The following VCPIP1 variants were observed in gnomAD, a reference collection of about 807,000 sequenced individuals.
VCPIP1 encodes valosin containing protein interacting protein 1, also known as deubiquitinating protein VCPIP1.
VCPIP1 carries 8 observed loss-of-function variants against 85.0 expected under a neutral mutation model. The observed-to-expected ratio is 0.09, with a 90% CI of 0.06 to 0.17. VCPIP1 has a LOEUF of 0.17. Ranked by LOEUF, VCPIP1 falls within the 10% of genes least tolerant of loss-of-function variation. VCPIP1 has a pLI of 1.00. For missense variants in VCPIP1, 1,070 were observed against 1,486.3 expected (o/e 0.72, Z 4.61); for synonymous variants, 543 against 544.5 (o/e 1.00, Z 0.04).
Position 66,629,025 on chromosome 8 carries a change from A to AAATTATT in VCPIP1, c.*5475_*5476insAATAATT, listed in dbSNP as rs1810807509. On this transcript the variant is annotated 3_prime_UTR_variant, in exon 3 of 3. Coordinates refer to ENST00000310421, the MANE Select transcript of VCPIP1 (RefSeq NM_025054.5). ...ATTATGTACAAGTAAAATAAGTTTT[A>AAATTATT]ATGTAACAAATTATTTAAATAATGT... The AAATTATT allele has an allele frequency of 6.6e-6, 1 of 152,232 alleles. No individual in the cohort carries two copies. The highest frequency in any genetic ancestry group is 1.5e-5 in the Non-Finnish European group (1 of 68,032). The allele number at this position is 152,232 out of a possible 1,614,324, so 9.4% of individuals were successfully genotyped here.
At chr8:66,636,270 G>A (rs1236739722) in intron 2 of VCPIP1, among the ~76,000 whole-genome samples, 1 of 149,884 alleles carries the variant, frequency 6.7e-6, no homozygotes, top group Non-Finnish European at 1.5e-5. Context: ...AGGTTTTGCA[G>A]GTGTTTCCAG....
At position 66,628,526 on chromosome 8, in the gene VCPIP1, T is replaced by C. The variant is rs1178682143; in HGVS notation, c.*5975A>G. The C allele has an allele frequency of 6.6e-6, 1 of 152,210 alleles. No individual in the cohort carries two copies. The highest frequency in any genetic ancestry group is 1.5e-5 in the Non-Finnish European group (1 of 68,034). 9.4% of individuals were successfully genotyped at this position (152,210 alleles called of 1,614,324 possible). ...ATACATTTTTAATGATTAGAAACAA[T>C]TGATTATTAAGTCAGAATTGCAGTT... On this transcript the variant is annotated 3_prime_UTR_variant, in exon 3 of 3. Transcript: ENST00000310421.
chr8:66,648,065 G>A (rs1373510932), intron 2 of VCPIP1, among the ~76,000 whole-genome samples: 1 of 152,092 alleles, frequency 6.6e-6, no homozygotes, highest in East Asian at 1.9e-4. Flanking sequence ...CCAAAGTGCT[G>A]GGATTACAGG....
chr8:66,658,677 C>T (rs1468441666), intron 1 of VCPIP1, among the ~76,000 whole-genome samples: 12 of 151,800 alleles, frequency 7.9e-5, no homozygotes, highest in Middle Eastern at 3.2e-3. Flanking sequence ...TTAGTAGAGA[C>T]GGGGTTTCAC....
In VCPIP1 at chr8:66,642,573, G is replaced by A. The variant is rs116554480; in HGVS notation, c.2798-7201C>T. Among the ~76,000 whole-genome samples, 1,215 of 152,136 alleles carry A rather than the reference G, an allele frequency of 8.0e-3. 14 individuals carry two copies. The highest frequency in any genetic ancestry group is 0.025 in the African/African-American group (1,056 of 41,476). ...TAAACTTAGGTCTTTGATCTATTTT[G>A]AATTAATTTTGTATATGGTGTGAGG... On this transcript the variant is annotated intron_variant, in intron 2 of 2. Coordinates refer to ENST00000310421, the MANE Select transcript of VCPIP1 (RefSeq NM_025054.5).
chr8:66,660,725 G>A (rs1260188446), intron 1 of VCPIP1, among the ~76,000 whole-genome samples: 1 of 152,106 alleles, frequency 6.6e-6, no homozygotes, highest in African/African-American at 2.4e-5. Context: ...ACTGAATTTT[G>A]TAGGAACATC....
intron 2 of VCPIP1, among the ~76,000 whole-genome samples, chr8:66,649,054 T>C (rs1376048169): frequency 1.3e-5 from 2 of 151,948 alleles, no homozygotes; most frequent in Non-Finnish European, 2.9e-5. Flanking sequence ...TCCCAGCTAC[T>C]CAGTAGGGTG....
chr8:66,661,159 C>A (rs1176327511), intron 1 of VCPIP1, among the ~76,000 whole-genome samples: 1 of 152,168 alleles, frequency 6.6e-6, no homozygotes, highest in Non-Finnish European at 1.5e-5. Flanking sequence ...CAATTTAAAG[C>A]AGAAAGTATC....
Position 66,667,090 on chromosome 8 carries a change from C to T in VCPIP1, c.-132G>A, listed in dbSNP as rs1452226658. On this transcript the variant is annotated 5_prime_UTR_variant, in exon 1 of 3. Transcript: ENST00000310421. ...ACTTTCCTTTCCCTACCAGCTCTTC[C>T]TCCTCCTAAGCGAAGGCGGAAGCGC... is the stretch of plus-strand genomic sequence containing the variant. The T allele has an allele frequency of 7.2e-7, 1 of 1,397,724 alleles. No individual in the cohort carries two copies. The highest frequency in any genetic ancestry group is 2.6e-5 in the East Asian group (1 of 38,652). 86.6% of individuals were successfully genotyped at this position (1,397,724 alleles called of 1,614,324 possible). A position where few individuals can be genotyped will look rare whatever the true frequency, so the allele number is the denominator to read the frequency against.
intron 1 of VCPIP1, among the ~76,000 whole-genome samples, chr8:66,662,056 C>T (rs570840123): frequency 6.6e-6 from 1 of 152,004 alleles, no homozygotes; most frequent in Non-Finnish European, 1.5e-5. Context: ...CATGAGCCAC[C>T]GTGACTGGCT....
chr8:66,649,423 G>A (rs968202834), intron 2 of VCPIP1, among the ~76,000 whole-genome samples: 1 of 152,000 alleles, frequency 6.6e-6, no homozygotes, highest in Non-Finnish European at 1.5e-5. Context: ...GAGCTGGGAG[G>A]ATCACCTAAG....
intron 2 of VCPIP1, among the ~76,000 whole-genome samples, chr8:66,644,651 A>C (rs1167241582): frequency 6.6e-6 from 1 of 152,176 alleles, no homozygotes; most frequent in Non-Finnish European, 1.5e-5. Context: ...CACTGAACTA[A>C]AGGTCCTAGC....
chr8:66,665,622 A>G lies in VCPIP1; in HGVS notation c.1337T>C (p.Ile446Thr). ...HQYFYRRTGV[I>T]GVQPEEVTAA... The stretch of plus-strand genomic sequence containing the variant: ...TGTGACTTCCTCAGGCTGAACTCCT[A>G]TCACTCCAGTCCTTCTGTAGAAATA... The change falls in exon 1 of 3, where the codon ATA becomes ACA. Residue 446 changes from isoleucine to threonine, a missense_variant. Ile to Thr is a moderately conservative substitution (Grantham distance 89). Around this residue, in one of 8 missense-constraint regions of VCPIP1, gnomAD observed 83 missense variants for 134.6 expected, o/e 0.62. Coordinates refer to ENST00000310421, the MANE Select transcript of VCPIP1 (RefSeq NM_025054.5). The surrounding 1 kb of genome is among the most constrained non-coding windows in gnomAD (Gnocchi z 4.3). The G allele has an allele frequency of 6.2e-7, 1 of 1,614,210 alleles. No individual in the cohort carries two copies. Among genetic ancestry groups the G allele is most frequent in the African/African-American group, 1.3e-5 (1 of 75,048 alleles).
chr8:66,667,034 G>T lies in VCPIP1; in HGVS notation c.-76C>A, dbSNP rs886259745. ...TCATAGCCCAGACCCCCACCAACCC[G>T]ACTCGGTCCAGTCCAGGCCCAGGGC... On this transcript the variant is annotated 5_prime_UTR_variant, in exon 1 of 3. Transcript: ENST00000310421. 4 of 1,440,636 alleles carry T rather than the reference G, an allele frequency of 2.8e-6. No homozygotes were observed. The highest frequency in any genetic ancestry group is 3.6e-6 in the Non-Finnish European group (4 of 1,100,676). The allele number at this position is 1,440,636 out of a possible 1,614,324, so 89.2% of individuals were successfully genotyped here.
At chr8:66,638,970 C>CTATATATATATATATA (rs1554584185) in intron 2 of VCPIP1, among the ~76,000 whole-genome samples, 8 of 118,414 alleles carry the variant, frequency 6.8e-5, no homozygotes, top group African/African-American at 2.3e-4. Flanking sequence ...CTCTCTCTCT[C>CTATATATATATATATA]TATATATATA....
chr8:66,639,583 G>C (rs1174262892), intron 2 of VCPIP1, among the ~76,000 whole-genome samples: 1 of 151,688 alleles, frequency 6.6e-6, no homozygotes, highest in African/African-American at 2.4e-5. Context: ...ACCTAGGGTG[G>C]GCAAAGTACT....
intron 2 of VCPIP1, among the ~76,000 whole-genome samples, chr8:66,638,242 G>A (rs1157183742): frequency 6.6e-6 from 1 of 152,170 alleles, no homozygotes; most frequent in Admixed American, 6.5e-5. Flanking sequence ...TGTAATCCCA[G>A]CACTAGGGGA....
At position 66,666,527 on chromosome 8, in the gene VCPIP1, G is replaced by A; in HGVS notation, c.432C>T (p.Gly144=). The A allele has an allele frequency of 1.2e-6, 2 of 1,614,130 alleles. No homozygotes were observed. The highest frequency in any genetic ancestry group is 2.2e-5 in the East Asian group (1 of 44,878). The part of the protein sequence containing the change: ...LARYGMDKQT[G]RAKLLRDMNQ... ...TCATGTCCCGGAGAAGCTTGGCCCG[G>A]CCTGTCTGTTTGTCCATTCCATAGC... Residue 144 remains glycine, a synonymous_variant, in exon 1 of 3, where the codon GGC becomes GGT. Coordinates refer to ENST00000310421, the MANE Select transcript of VCPIP1 (RefSeq NM_025054.5). The surrounding 1 kb of genome is among the most constrained non-coding windows in gnomAD (Gnocchi z 6.3).
chr8:66,655,835 T>C (rs1433229577), intron 1 of VCPIP1, among the ~76,000 whole-genome samples: 2 of 152,170 alleles, frequency 1.3e-5, no homozygotes, highest in Non-Finnish European at 2.9e-5. Flanking sequence ...ATAATTCAAC[T>C]GTTTCTTCAT....
Sources: gnomAD v4.1 joint callset for allele counts (sites outside exome capture counted in the v4.1 genomes callset) on GRCh38, gnomAD v4.1.1 for gene constraint, gnomAD v4.1.1 regional missense constraint, Gnocchi (gnomAD v3.1) non-coding constraint, MANE v1.5 for transcripts, NCBI Gene and HGNC (gene_info 2026-07-23, HGNC 2026-07-21) for gene names.